SLC8A2: variants seen among roughly 807,000 people sequenced by gnomAD.
The protein encoded by SLC8A2 is sodium/calcium exchanger 2.
In SLC8A2, 14 loss-of-function variants were observed where a neutral mutation model predicts 70.2. The ratio of observed to expected loss-of-function variants is 0.20; its 90% CI spans 0.13 to 0.31. SLC8A2 has a LOEUF of 0.31. SLC8A2 is among the 10% of genes least tolerant of loss of function. The probability of loss-of-function intolerance (pLI) is 1.00; values close to 1 mark genes in which losing one functional copy is unlikely to be tolerated. For missense variants in SLC8A2, 779 were observed against 1,320.1 expected (o/e 0.59, Z 6.35); for synonymous variants, 575 against 594.3 (o/e 0.97, Z 0.47).
intron 1 of SLC8A2, among the ~76,000 whole-genome samples, chr19:47,470,676 G>A (rs984161060): frequency 3.9e-5 from 6 of 152,232 alleles, no homozygotes; most frequent in Admixed American, 3.9e-4. Context: ...AACAGCAAGA[G>A]GTATGGAAGT....
intron 3 of SLC8A2, among the ~76,000 whole-genome samples, chr19:47,450,914 C>T (rs830145): frequency 0.17 from 26,500 of 151,522 alleles, 2,472 homozygotes; most frequent in African/African-American, 0.23. Flanking sequence ...ATATTAATAT[C>T]ATAATCTTAG....
chr19:47,434,552 G>A (rs1191558595), intron 8 of SLC8A2, among the ~76,000 whole-genome samples: 4 of 152,172 alleles, frequency 2.6e-5, no homozygotes, highest in Non-Finnish European at 5.9e-5. Context: ...CAACGGTCTC[G>A]GACACCTCCA....
intron 3 of SLC8A2, among the ~76,000 whole-genome samples, chr19:47,452,940 T>A (rs370506513): frequency 1.6e-4 from 25 of 152,132 alleles, no homozygotes; most frequent in African/African-American, 5.5e-4. Context: ...CGCTGAGGCA[T>A]GAGAATCACT....
In SLC8A2 at chr19:47,465,747, A is replaced by G. The variant is rs2122653353; in HGVS notation, c.657T>C (p.Phe219=). Reference sequence around the variant, plus strand: ...TGCTCACCTGGACCACACCGGGGGAAAAAACAGCAAGGATGAGATAAAGCC... The same window carrying G: ...TGCTCACCTGGACCACACCGGGGGAGAAAACAGCAAGGATGAGATAAAGCC... ...YVWLYLILAV[F]SPGVVQVWEA... is the part of the protein sequence containing the mutation. The change falls in exon 2 of 10, where the codon TTT becomes TTC. Residue 219 remains phenylalanine, a synonymous_variant. Transcript: ENST00000236877. The surrounding 1 kb of genome is among the most constrained non-coding windows in gnomAD (Gnocchi z 5.5). The G allele has an allele frequency of 1.2e-6, 2 of 1,611,594 alleles. No individual in the cohort carries two copies. The highest frequency in any genetic ancestry group is 1.7e-6 in the Non-Finnish European group (2 of 1,178,174).
At chr19:47,462,003 G>A (rs1437552254) in intron 2 of SLC8A2, among the ~76,000 whole-genome samples, 2 of 152,112 alleles carry the variant, frequency 1.3e-5, no homozygotes, top group Non-Finnish European at 2.9e-5. Flanking sequence ...ACATGGTCTT[G>A]GCCTTTCCTG....
chr19:47,430,040 G>T lies in SLC8A2; in HGVS notation c.*49C>A. 6.5e-7 allele frequency: 1 copy of T among 1,527,582 alleles called. No homozygotes were observed. The highest frequency in any genetic ancestry group is 8.8e-7 in the Non-Finnish European group (1 of 1,135,402). The allele number at this position is 1,527,582 out of a possible 1,614,324, so 94.6% of individuals were successfully genotyped here. A position where few individuals can be genotyped will look rare whatever the true frequency, so the allele number is the denominator to read the frequency against. ...CCAGGGTCCAAGAGCAGGTGCAGCC[G>T]AGTCCCTAGCCCCGGGCGGGCGGTG... is the stretch of plus-strand genomic sequence containing the variant. On this transcript the variant is annotated 3_prime_UTR_variant, in exon 10 of 10. Transcript: ENST00000236877. The surrounding 1 kb of genome is among the most constrained non-coding windows in gnomAD (Gnocchi z 5.9).
chr19:47,436,292 G>A (rs941049026), intron 8 of SLC8A2, among the ~76,000 whole-genome samples: 4 of 152,150 alleles, frequency 2.6e-5, no homozygotes, highest in African/African-American at 7.2e-5. Flanking sequence ...TCCCAGCCCT[G>A]CCTACTCTGG....
chr19:47,437,242 G>C (rs1967041324), intron 8 of SLC8A2, among the ~76,000 whole-genome samples: 3 of 151,860 alleles, frequency 2.0e-5, no homozygotes. Flanking sequence ...CTGTTGCCCA[G>C]GCTGGAGTGC....
intron 6 of SLC8A2, among the ~76,000 whole-genome samples, chr19:47,439,403 G>A (rs921763804): frequency 1.7e-4 from 26 of 151,970 alleles, no homozygotes; most frequent in African/African-American, 6.3e-4. Context: ...GTGGTGGCAG[G>A]TGCCTGTAAT....
intron 3 of SLC8A2, among the ~76,000 whole-genome samples, chr19:47,454,141 G>A (rs1380804800): frequency 6.6e-6 from 1 of 152,088 alleles, no homozygotes; most frequent in Non-Finnish European, 1.5e-5. Context: ...GCAAGACCCT[G>A]TCTCAAAAAA....
At chr19:47,469,878 T>C (rs1190799475) in intron 1 of SLC8A2, among the ~76,000 whole-genome samples, 1 of 152,108 alleles carries the variant, frequency 6.6e-6, no homozygotes, top group Non-Finnish European at 1.5e-5. Flanking sequence ...GCCAGCTGGG[T>C]CGGCAGTGAG....
chr19:47,443,451 G>C (rs932385379), intron 4 of SLC8A2, among the ~76,000 whole-genome samples: 4 of 152,120 alleles, frequency 2.6e-5, no homozygotes, highest in African/African-American at 9.7e-5. Context: ...CCTGGCCCCA[G>C]AACCCAAAAA....
intron 3 of SLC8A2, among the ~76,000 whole-genome samples, chr19:47,450,550 C>T (rs538136079): frequency 1.8e-4 from 28 of 152,150 alleles, no homozygotes; most frequent in African/African-American, 6.3e-4. Flanking sequence ...GAGTCAGGCT[C>T]CAGTTTTCCA....
intron 4 of SLC8A2, among the ~76,000 whole-genome samples, chr19:47,446,926 T>G (rs1285416364): frequency 6.6e-6 from 1 of 152,026 alleles, no homozygotes; most frequent in Non-Finnish European, 1.5e-5. Flanking sequence ...TGTGTCTGAG[T>G]GTATCCAGCC....
chr19:47,452,438 GAGAGA>G, intron 3 of SLC8A2, among the ~76,000 whole-genome samples: 1 of 90,062 alleles, frequency 1.1e-5, no homozygotes, highest in Non-Finnish European at 2.2e-5. Flanking sequence ...GAGAGAGAGA[GAGAGA>G]GAGTGTGTGT....
chr19:47,443,364 G>C (rs1967121184), intron 4 of SLC8A2, among the ~76,000 whole-genome samples: 1 of 151,768 alleles, frequency 6.6e-6, no homozygotes, highest in Non-Finnish European at 1.5e-5. Context: ...CGACCCCAAA[G>C]ACCCACAAAC....
chr19:47,459,606 TGTGTGTGC>T (rs1463296615), intron 2 of SLC8A2, among the ~76,000 whole-genome samples: 3 of 151,472 alleles, frequency 2.0e-5, no homozygotes, highest in Non-Finnish European at 4.4e-5. Flanking sequence ...TGTGCGTGCT[TGTGTGTGC>T]ATGTGTGTAT....
chr19:47,459,727 C>CTG (rs146281410), intron 2 of SLC8A2, among the ~76,000 whole-genome samples: 1 of 149,382 alleles, frequency 6.7e-6, no homozygotes, highest in African/African-American at 2.5e-5. Flanking sequence ...GTGTGTACGT[C>CTG]TGTGTGTGTA....
Position 47,456,913 on chromosome 19 carries a change from C to G in SLC8A2, c.1340+17G>C, listed in dbSNP as rs374609999. 140 of 1,572,074 alleles carry G rather than the reference C, an allele frequency of 8.9e-5. No individual in the cohort carries two copies. In the African/African-American group the frequency reaches 1.7e-3, roughly 19 times the overall value. On this transcript the variant is annotated intron_variant, in intron 3 of 9. Coordinates refer to ENST00000236877, the MANE Select transcript of SLC8A2 (RefSeq NM_015063.3). ...CTGCGCCAGCCCCCTGCACACCCCC[C>G]ACCCCGGGGGACCCACCTGTACTCG... is the stretch of plus-strand genomic sequence containing the variant.
Sources: gnomAD v4.1 joint callset for allele counts (sites outside exome capture counted in the v4.1 genomes callset) on GRCh38, gnomAD v4.1.1 for gene constraint, Gnocchi (gnomAD v3.1) non-coding constraint, MANE v1.5 for transcripts, NCBI Gene and HGNC (gene_info 2026-07-23, HGNC 2026-07-21) for gene names.